CDH13: variants seen among roughly 807,000 people sequenced by gnomAD.
CDH13 encodes the protein cadherin-13.
A neutral mutation model predicts 63.8 loss-of-function variants in CDH13; 24 were observed. That is an observed-to-expected ratio of 0.38 (90% CI 0.27 to 0.53). CDH13 has a LOEUF of 0.53. CDH13 is among the 20% of genes least tolerant of loss of function. The pLI, the probability that CDH13 is intolerant of heterozygous loss-of-function variation, is 0.85. For synonymous variants in CDH13, 503 were observed against 355.3 expected (o/e 1.42, Z -4.67); for missense variants, 1,049 against 903.1 (o/e 1.16, Z -2.07).
chr16:83,449,890 C>T (rs1230403763), intron 6 of CDH13, among the ~76,000 whole-genome samples: 1 of 152,096 alleles, frequency 6.6e-6, no homozygotes, highest in East Asian at 1.9e-4. Flanking sequence ...GAGAAAGTGC[C>T]GAATAAGTGA....
At chr16:83,486,982 G>A (rs1434341942) in intron 7 of CDH13, among the ~76,000 whole-genome samples, 1 of 152,152 alleles carries the variant, frequency 6.6e-6, no homozygotes, top group East Asian at 1.9e-4. Flanking sequence ...AAGGGAGAGG[G>A]AAGGACAAGG....
chr16:83,322,064 C>G (rs1426662532), intron 5 of CDH13, among the ~76,000 whole-genome samples: 1 of 152,142 alleles, frequency 6.6e-6, no homozygotes, highest in Non-Finnish European at 1.5e-5. Context: ...GACTGGAAGT[C>G]ACTTAATAAA....
At chr16:83,262,310 C>G (rs1253443884) in intron 5 of CDH13, among the ~76,000 whole-genome samples, 2 of 152,182 alleles carry the variant, frequency 1.3e-5, no homozygotes, top group Non-Finnish European at 2.9e-5. Context: ...GACATTAAGT[C>G]TGCACAGCTG....
chr16:83,264,106 A>T (rs1394507522), intron 5 of CDH13, among the ~76,000 whole-genome samples: 1 of 152,168 alleles, frequency 6.6e-6, no homozygotes, highest in Non-Finnish European at 1.5e-5. Flanking sequence ...TGGACACCCC[A>T]TTTTCAAGGC....
At chr16:83,046,055 C>T (rs1186780648) in intron 3 of CDH13, among the ~76,000 whole-genome samples, 1 of 152,220 alleles carries the variant, frequency 6.6e-6, no homozygotes, top group African/African-American at 2.4e-5. Flanking sequence ...GTTTGATTCT[C>T]AGCCCAATTG....
At chr16:83,044,590 G>C (rs1397693788) in intron 3 of CDH13, among the ~76,000 whole-genome samples, 2 of 152,224 alleles carry the variant, frequency 1.3e-5, no homozygotes, top group Admixed American at 6.5e-5. Context: ...CCATAGGCTA[G>C]AGAAAACGTC....
intron 1 of CDH13, among the ~76,000 whole-genome samples, chr16:82,656,837 A>T (rs1027321238): frequency 6.6e-6 from 1 of 151,370 alleles, no homozygotes; most frequent in Non-Finnish European, 1.5e-5. Context: ...ATAATATAGT[A>T]TGTAGCCTTT....
At chr16:82,897,090 G>A (rs2041297340) in intron 2 of CDH13, among the ~76,000 whole-genome samples, 1 of 152,070 alleles carries the variant, frequency 6.6e-6, no homozygotes, top group Non-Finnish European at 1.5e-5. Flanking sequence ...ACACTGCTGT[G>A]CAATTCTAAA....
chr16:82,692,143 G>C (rs1371897749), intron 1 of CDH13, among the ~76,000 whole-genome samples: 2 of 152,214 alleles, frequency 1.3e-5, no homozygotes, highest in Non-Finnish European at 2.9e-5. Context: ...AGTGCTGAAG[G>C]GAAGTCAAAT....
chr16:82,947,004 C>CTGTGTGTGTGTGTGTG (rs3223223), intron 2 of CDH13, among the ~76,000 whole-genome samples: 23 of 135,010 alleles, frequency 1.7e-4, no homozygotes, highest in East Asian at 9.2e-4. Flanking sequence ...GTGCGCACGC[C>CTGTGTGTGTGTGTGTG]TGTGTGTGTG....
intron 4 of CDH13, among the ~76,000 whole-genome samples, chr16:83,198,917 T>TA (rs1017149065): frequency 6.6e-6 from 1 of 152,240 alleles, no homozygotes; most frequent in South Asian, 2.1e-4. Context: ...TGTGAAACTA[T>TA]AAAAAATATT....
chr16:83,011,453 G>A (rs866156397), intron 2 of CDH13, among the ~76,000 whole-genome samples: 5 of 152,122 alleles, frequency 3.3e-5, no homozygotes, highest in Non-Finnish European at 5.9e-5. Context: ...AGTGCAAATC[G>A]AAAGCCCTTC....
chr16:82,915,564 G>C (rs2041961113), intron 2 of CDH13, among the ~76,000 whole-genome samples: 1 of 152,046 alleles, frequency 6.6e-6, no homozygotes, highest in South Asian at 2.1e-4. Context: ...AAAAATCTTA[G>C]ATTGTCAGGT....
chr16:82,879,220 T>C (rs969531782), intron 2 of CDH13, among the ~76,000 whole-genome samples: 1 of 152,026 alleles, frequency 6.6e-6, no homozygotes, highest in African/African-American at 2.4e-5. Flanking sequence ...GGATGCCAGC[T>C]CTAATACTTA....
chr16:83,310,746 C>T (rs911959106), intron 5 of CDH13, among the ~76,000 whole-genome samples: 1 of 152,164 alleles, frequency 6.6e-6, no homozygotes, highest in Non-Finnish European at 1.5e-5. Context: ...GTGTCTGCTG[C>T]CCTAGAGCTA....
intron 11 of CDH13, among the ~76,000 whole-genome samples, chr16:83,772,559 A>G (rs567715025): frequency 1.3e-5 from 2 of 152,372 alleles, no homozygotes; most frequent in South Asian, 2.1e-4. Context: ...GACTTAGTGT[A>G]TATTTTTACA....
chr16:82,872,586 C>T (rs2040377415), intron 2 of CDH13, among the ~76,000 whole-genome samples: 1 of 151,162 alleles, frequency 6.6e-6, no homozygotes, highest in African/African-American at 2.4e-5. Context: ...TGTTACAGAT[C>T]AAATCTACAC....
rs562794879 is a variant in CDH13 at position 83,349,776 on chromosome 16, T to A, written c.781+4770T>A. On this transcript the variant is annotated intron_variant, in intron 6 of 13. Coordinates refer to ENST00000567109, the MANE Select transcript of CDH13 (RefSeq NM_001257.5). ...CCACCACGCCCAGCTAATTTTTGTA[T>A]TTTTAGTAGAGATGGGGTTTCACCA... is the stretch of plus-strand genomic sequence containing the variant. Among the ~76,000 whole-genome samples the A allele has an allele frequency of 2.9e-3, 439 of 152,080 alleles. 1 individual carries two copies. Among genetic ancestry groups the A allele is most frequent in the Middle Eastern group, 0.014 (4 of 294 alleles).
At chr16:83,510,277 A>G (rs1422270515) in intron 7 of CDH13, among the ~76,000 whole-genome samples, 2 of 152,188 alleles carry the variant, frequency 1.3e-5, no homozygotes, top group Non-Finnish European at 2.9e-5. Context: ...TCCGAGATGG[A>G]GAGAGAACAC....
Sources: allele counts gnomAD v4.1 joint callset (sites outside exome capture counted in the v4.1 genomes callset), GRCh38; gene constraint gnomAD v4.1.1; transcripts MANE v1.5; gene names NCBI Gene and HGNC (gene_info 2026-07-23, HGNC 2026-07-21).